LRRC7: variants seen among roughly 807,000 people sequenced by gnomAD.
LRRC7 encodes the protein leucine rich repeat containing 7.
Under a neutral mutation model 175.7 loss-of-function variants are expected in LRRC7, and 23 were observed. The observed-to-expected ratio is 0.13, with a 90% CI of 0.09 to 0.19. The LOEUF (loss-of-function observed/expected upper bound fraction) is 0.19. Ranked by LOEUF, LRRC7 falls within the 10% of genes least tolerant of loss-of-function variation. The pLI, the probability that LRRC7 is intolerant of heterozygous loss-of-function variation, is 1.00. For synonymous variants in LRRC7, 685 were observed against 680.9 expected (o/e 1.01, Z -0.09); for missense variants, 1,354 against 1,904.7 (o/e 0.71, Z 5.38).
At chr1:69,817,798 T>C (rs563032977) in intron 4 of LRRC7, among the ~76,000 whole-genome samples, 2 of 152,254 alleles carry the variant, frequency 1.3e-5, no homozygotes, top group African/African-American at 4.8e-5. Flanking sequence ...GTCTTCAATC[T>C]TTTCATCAAT....
chr1:69,843,139 C>T (rs986484677), intron 7 of LRRC7, among the ~76,000 whole-genome samples: 2 of 151,912 alleles, frequency 1.3e-5, no homozygotes, highest in African/African-American at 4.8e-5. Context: ...GCAGAGGTTG[C>T]AGAGATCATG....
intron 15 of LRRC7, among the ~76,000 whole-genome samples, chr1:70,019,506 T>C (rs1288119682): frequency 6.6e-6 from 1 of 152,020 alleles, no homozygotes; most frequent in East Asian, 1.9e-4. Flanking sequence ...GGAGTAACAA[T>C]AATTCTTGGA....
chr1:69,882,616 T>C (rs1170136367), intron 7 of LRRC7, among the ~76,000 whole-genome samples: 5 of 152,030 alleles, frequency 3.3e-5, no homozygotes, highest in Admixed American at 2.6e-4. Context: ...TTTTCTTTTT[T>C]TTTTTTTTTA....
rs59212223 is a variant in LRRC7 at position 69,600,800 on chromosome 1, CTTTTT to C, written c.2+32183_2+32187del. ...CCATTTCTCCAAGGATCTCTGGTTT[CTTTTT>C]TTTTTTTTTTTTTTTTTTTTTTTGA... On this transcript the variant is annotated intron_variant, in intron 1 of 26. Transcript: ENST00000651989. Among the ~76,000 whole-genome samples the C allele has an allele frequency of 6.2e-5, 4 of 64,896 alleles. 1 individual carries two copies. Among genetic ancestry groups the C allele is most frequent in the Admixed American group, 2.2e-4 (1 of 4,556 alleles). The allele number at this position is 64,896 out of a possible 152,430, so 42.6% of individuals were successfully genotyped here.
chr1:69,916,268 TATAA>T (rs1264206334), intron 7 of LRRC7, among the ~76,000 whole-genome samples: 1 of 133,752 alleles, frequency 7.5e-6, no homozygotes, highest in Non-Finnish European at 1.6e-5. Context: ...AAATATAAAA[TATAA>T]ATATATATCA....
chr1:69,685,779 GAGA>G (rs1242042001), intron 2 of LRRC7, among the ~76,000 whole-genome samples: 1 of 151,864 alleles, frequency 6.6e-6, no homozygotes, highest in Non-Finnish European at 1.5e-5. Flanking sequence ...CCCAGGAGAG[GAGA>G]AGGAGTATGG....
At chr1:69,573,972 G>A (rs1388012652) in intron 1 of LRRC7, among the ~76,000 whole-genome samples, 1 of 152,034 alleles carries the variant, frequency 6.6e-6, no homozygotes, top group Non-Finnish European at 1.5e-5. Context: ...CTTCAGTTGT[G>A]CCAGGATATT....
chr1:69,607,198 G>A (rs1173814136), intron 1 of LRRC7: 1 of 151,986 alleles, frequency 6.6e-6, no homozygotes, highest in Non-Finnish European at 1.5e-5. Flanking sequence ...ATGGTAATTG[G>A]GCTCCTGTCT....
At chr1:70,011,086 A>C (rs1410886572) in intron 11 of LRRC7, among the ~76,000 whole-genome samples, 1 of 152,216 alleles carries the variant, frequency 6.6e-6, no homozygotes, top group African/African-American at 2.4e-5. Context: ...ATAATTTAAC[A>C]CTTTCTAAAA....
chr1:69,668,094 T>C (rs1658536640), intron 1 of LRRC7, among the ~76,000 whole-genome samples: 1 of 152,130 alleles, frequency 6.6e-6, no homozygotes, highest in Non-Finnish European at 1.5e-5. Context: ...AGAAAACTAA[T>C]AAAAACTCAG....
At chr1:69,743,574 C>T (rs889382292) in intron 2 of LRRC7, among the ~76,000 whole-genome samples, 3 of 151,672 alleles carry the variant, frequency 2.0e-5, no homozygotes, top group African/African-American at 7.3e-5. Flanking sequence ...AAAGGAGGAG[C>T]CACATTTAAA....
At chr1:69,634,173 G>C (rs891082328) in intron 1 of LRRC7, among the ~76,000 whole-genome samples, 2 of 151,942 alleles carry the variant, frequency 1.3e-5, no homozygotes, top group African/African-American at 4.8e-5. Context: ...ACTAGATAAA[G>C]AGTATGAATA....
intron 2 of LRRC7, among the ~76,000 whole-genome samples, chr1:69,755,756 G>A (rs1374543551): frequency 1.3e-5 from 2 of 151,802 alleles, no homozygotes; most frequent in African/African-American, 4.8e-5. Flanking sequence ...TATATACATA[G>A]TAACATGGCT....
rs1025387038 is a variant in LRRC7, at chr1:70,143,737, C to G, written c.*21850C>G. ...GCTTACTTTAATAATACAATTTTAC[C>G]ATTTTATAAAAAAAATCAAATCACA... On this transcript the variant is annotated 3_prime_UTR_variant, in exon 27 of 27. Coordinates refer to ENST00000651989, the MANE Select transcript of LRRC7 (RefSeq NM_001370785.2). 4.0e-5 allele frequency: 6 copies of G among 151,774 alleles called. No individual in the cohort carries two copies. Among genetic ancestry groups the G allele is most frequent in the Non-Finnish European group, 7.4e-5 (5 of 67,954 alleles). The allele number at this position is 151,774 out of a possible 1,614,324, so 9.4% of individuals were successfully genotyped here. A position where few individuals can be genotyped will look rare whatever the true frequency, so the allele number is the denominator to read the frequency against.
At chr1:69,595,369 G>T (rs1045443053) in intron 1 of LRRC7, among the ~76,000 whole-genome samples, 6 of 152,246 alleles carry the variant, frequency 3.9e-5, no homozygotes, top group African/African-American at 1.4e-4. Flanking sequence ...GCAGTGAGCC[G>T]AGATCGTGCC....
chr1:69,719,341 T>A (rs1410457898), intron 2 of LRRC7, among the ~76,000 whole-genome samples: 1 of 151,716 alleles, frequency 6.6e-6, no homozygotes, highest in Non-Finnish European at 1.5e-5. Context: ...AAAGAATGAA[T>A]CAGTTCTTTC....
chr1:69,772,164 TA>T (rs1409328077), intron 3 of LRRC7, among the ~76,000 whole-genome samples: 1 of 151,466 alleles, frequency 6.6e-6, no homozygotes, highest in Non-Finnish European at 1.5e-5. Context: ...GAAAATAAAA[TA>T]AAGGAGGGGA....
At chr1:69,901,160 A>G (rs1226149034) in intron 7 of LRRC7, among the ~76,000 whole-genome samples, 1 of 152,176 alleles carries the variant, frequency 6.6e-6, no homozygotes, top group African/African-American at 2.4e-5. Flanking sequence ...GGAGGCAGGC[A>G]GACTAGTGAA....
intron 7 of LRRC7, among the ~76,000 whole-genome samples, chr1:69,871,459 G>A (rs1040902058): frequency 4.6e-5 from 7 of 151,948 alleles, no homozygotes; most frequent in Admixed American, 1.3e-4. Context: ...AAAATGCACC[G>A]AATGCATAAT....
Sources: allele counts gnomAD v4.1 joint callset (sites outside exome capture counted in the v4.1 genomes callset), GRCh38; gene constraint gnomAD v4.1.1; transcripts MANE v1.5; gene names NCBI Gene and HGNC (gene_info 2026-07-23, HGNC 2026-07-21).